SON: variants seen among roughly 807,000 people sequenced by gnomAD.
SON encodes the protein SON DNA and RNA binding protein, also known as protein SON.
A neutral mutation model predicts 173.3 loss-of-function variants in SON; 4 were observed. The ratio of observed to expected loss-of-function variants is 0.02; its 90% CI spans 0.01 to 0.05. The LOEUF is 0.05. SON is among the 10% of genes least tolerant of loss of function. The pLI is 1.00. For missense variants in SON, 2,626 were observed against 3,055.3 expected (o/e 0.86, Z 3.31); for synonymous variants, 1,190 against 1,105.9 (o/e 1.08, Z -1.51).
In SON at chr21:33,552,535, T is replaced by A. The variant is rs1207044217; in HGVS notation, c.3304T>A (p.Ser1102Thr). Residue 1102 changes from serine (S) to threonine (T), a missense_variant, in exon 3 of 12, where the codon TCT becomes ACT. Around this residue, in one of 13 missense-constraint regions of SON, gnomAD observed 366 missense variants for 448.6 expected, o/e 0.82. Transcript: ENST00000356577. The surrounding 1 kb of genome is among the most constrained non-coding windows in gnomAD (Gnocchi z 5.6). ...GTCGTCATACTCTGCTGCTGACCGGTCTATGATGTCATCGTACTCTGCAGC... is the reference window on the plus strand; with the variant it reads ...GTCGTCATACTCTGCTGCTGACCGGACTATGATGTCATCGTACTCTGCAGC... ...MMSSYSAADR[S>T]MMSSYSAADR... The A allele has an allele frequency of 1.2e-6, 2 of 1,614,098 alleles. No individual in the cohort carries two copies. Among genetic ancestry groups the A allele is most frequent in the South Asian group, 1.1e-5 (1 of 91,064 alleles).
rs187952132 is a variant in SON at position 33,549,001 on chromosome 21, A to G, written c.245-475A>G. On this transcript the variant is annotated intron_variant, in intron 2 of 11. Transcript: ENST00000356577. ...TTGTGGAAAGAATTATCAGAAAAGT[A>G]GTAGTCTCCAGGTTAACTGTTTTAT... Among the ~76,000 whole-genome samples the G allele has an allele frequency of 4.0e-4, 61 of 152,232 alleles. 2 individuals carry two copies. Among genetic ancestry groups the G allele is most frequent in the Admixed American group, 3.4e-3 (52 of 15,288 alleles).
At position 33,554,888 on chromosome 21, in the gene SON, T is replaced by C; in HGVS notation, c.5657T>C (p.Val1886Ala). The C allele has an allele frequency of 3.1e-6, 5 of 1,614,016 alleles. No homozygotes were observed. Among genetic ancestry groups the C allele is most frequent in the Non-Finnish European group, 4.2e-6 (5 of 1,180,020 alleles). Residue 1886 changes from valine (V) to alanine (A), a missense_variant, in exon 3 of 12, where the codon GTA becomes GCA. Val to Ala is a moderately conservative substitution (Grantham distance 64, BLOSUM62 0). This residue lies in a region of SON where 1,006 missense variants were observed against 895.6 expected (regional missense o/e 1.12). Coordinates refer to ENST00000356577, the MANE Select transcript of SON (RefSeq NM_138927.4). ...TCAAAGTCTAGAGGAAGAAGATCTG[T>C]ATCAAAAGAGAAGCGCAAAAGATCT... ...SRSKSRGRRS[V>A]SKEKRKRSPK...
chr21:33,553,755 T>G lies in SON; in HGVS notation c.4524T>G (p.His1508Gln). 2 of 1,614,124 alleles carry G rather than the reference T, an allele frequency of 1.2e-6. No homozygotes were observed. The highest frequency in any genetic ancestry group is 1.7e-6 in the Non-Finnish European group (2 of 1,180,024). ...PEIGMQEIAL[H>Q]SGEEPHAEEH... ...TTGGCATGCAGGAGATTGCATTGCA[T>G]TCAGGTGAAGAACCACATGCTGAGG... Residue 1508 changes from histidine (H) to glutamine (Q), a missense_variant, in exon 3 of 12, where the codon CAT becomes CAG. His to Gln is a conservative substitution (Grantham distance 24). Around this residue, in one of 13 missense-constraint regions of SON, gnomAD observed 1,006 missense variants for 895.6 expected, o/e 1.12. Coordinates refer to ENST00000356577, the MANE Select transcript of SON (RefSeq NM_138927.4).
chr21:33,552,988 C>T lies in SON; in HGVS notation c.3757C>T (p.Pro1253Ser), dbSNP rs750917780. ...TGCTGTGACTGTTCCAGAACCACCACCAGAGCCAGAATCTTCAATTACGTT... is the reference window on the plus strand; with the variant it reads ...TGCTGTGACTGTTCCAGAACCACCATCAGAGCCAGAATCTTCAATTACGTT... ...EAAVTVPEPP[P>S]EPESSITLTP... is the part of the protein sequence containing the mutation. The change falls in exon 3 of 12, where the codon CCA becomes TCA. Residue 1253 changes from proline (P) to serine (S), a missense_variant. Coordinates refer to ENST00000356577, the MANE Select transcript of SON (RefSeq NM_138927.4). The surrounding 1 kb of genome is among the most constrained non-coding windows in gnomAD (Gnocchi z 5.6). 2.7e-5 allele frequency: 43 copies of T among 1,609,466 alleles called. No homozygotes were observed. Among genetic ancestry groups the T allele is most frequent in the Non-Finnish European group, 3.5e-5 (41 of 1,175,696 alleles).
chr21:33,569,361 G>A (rs1364589847), intron 8 of SON: 4 of 383,974 alleles, frequency 1.0e-5, no homozygotes, highest in Non-Finnish European at 2.0e-5. Flanking sequence ...TATTTTGAAC[G>A]CTAATAGTGT....
rs553454497 is a variant in SON at position 33,543,930 on chromosome 21, T to C, written c.77+761T>C. Among the ~76,000 whole-genome samples the C allele has an allele frequency of 2.0e-5, 3 of 152,326 alleles. No homozygotes were observed. The South Asian group carries it at 6.2e-4, about 32-fold the overall frequency. On this transcript the variant is annotated intron_variant, in intron 1 of 11. Transcript: ENST00000356577. ...CATTGCTGGTAGACTTTACATAATT[T>C]GCGCTTGGCTTCACAAAATTTGAAG...
chr21:33,575,447 AAAGAG>A (rs2086378884), intron 9 of SON, 144 bp from the exon 10 acceptor site: 1 of 510,550 alleles, frequency 2.0e-6, no homozygotes, highest in Non-Finnish European at 3.5e-6. Flanking sequence ...AAAAGAGAAG[AAAGAG>A]AAGATTGATA....
Position 33,551,490 on chromosome 21 carries a change from C to T in SON, c.2259C>T (p.Ser753=). 1.2e-6 allele frequency: 2 copies of T among 1,614,106 alleles called. No individual in the cohort carries two copies. Among genetic ancestry groups the T allele is most frequent in the Non-Finnish European group, 1.7e-6 (2 of 1,179,996 alleles). ...SQMLASNTMD[S]QMLASSTMDS... The stretch of plus-strand genomic sequence containing the variant: ...TGCTAGCATCCAACACCATGGACTC[C>T]CAGATGTTAGCGTCTAGCACCATGG... The change falls in exon 3 of 12, where the codon TCC becomes TCT. Residue 753 remains serine (S), a synonymous_variant. Coordinates refer to ENST00000356577, the MANE Select transcript of SON (RefSeq NM_138927.4).
chr21:33,559,820 A>G lies in SON; in HGVS notation c.6657+45A>G. On this transcript the variant is annotated intron_variant, in intron 6 of 11. Transcript: ENST00000356577. This position sits in a 1 kb window ranked among gnomAD's most constrained non-coding sequence, Gnocchi z 4.1. ...TGTATTTTTCCTTTTTTATACCTGA[A>G]TCTGCCATTTCATTGTTATGTTATG... is the stretch of plus-strand genomic sequence containing the variant. The G allele has an allele frequency of 6.2e-7, 1 of 1,606,538 alleles. No homozygotes were observed. Among genetic ancestry groups the G allele is most frequent in the South Asian group, 1.1e-5 (1 of 90,502 alleles).
At chr21:33,565,311 G>T (rs2086146299) in intron 6 of SON, among the ~76,000 whole-genome samples, 1 of 152,286 alleles carries the variant, frequency 6.6e-6, no homozygotes, top group Non-Finnish European at 1.5e-5. Flanking sequence ...AGTATCCTCA[G>T]ATTTTAGCCT....
rs1569056393 is a variant in SON, at chr21:33,553,235, C to T, written c.4004C>T (p.Thr1335Ile). The change falls in exon 3 of 12, where the codon ACT becomes ATT. Residue 1335 changes from threonine (T) to isoleucine (I), a missense_variant. Physicochemically the swap from Thr to Ile is moderately conservative, Grantham distance 89. Coordinates refer to ENST00000356577, the MANE Select transcript of SON (RefSeq NM_138927.4). ...ACATCCTTGTTGGTTCCAGCAGTAA[C>T]TACTCCAGTGCTGGCAGAGAGCATT... is the stretch of plus-strand genomic sequence containing the variant. ...VSTSLLVPAV[T>I]TPVLAESILE... The T allele has an allele frequency of 6.2e-7, 1 of 1,614,184 alleles. No homozygotes were observed. The highest frequency in any genetic ancestry group is 8.5e-7 in the Non-Finnish European group (1 of 1,180,040).
At chr21:33,565,339 A>G (rs1186158087) in intron 6 of SON, among the ~76,000 whole-genome samples, 1 of 152,178 alleles carries the variant, frequency 6.6e-6, no homozygotes, top group Non-Finnish European at 1.5e-5. Flanking sequence ...ATAAAAGCCT[A>G]TTATTTATGC....
rs766227485 is a variant in SON at position 33,555,324 on chromosome 21, T to C, written c.6093T>C (p.Ser2031=). 1 of 1,604,074 alleles carries C rather than the reference T, an allele frequency of 6.2e-7. No individual in the cohort carries two copies. The highest frequency in any genetic ancestry group is 8.5e-7 in the Non-Finnish European group (1 of 1,175,444). The change falls in exon 3 of 12, where the codon TCT becomes TCC. Residue 2031 remains serine, a synonymous_variant. Transcript: ENST00000356577. The part of the protein sequence containing the change: ...RTPLRRRFSR[S]PIRRKRSRSS... The stretch of plus-strand genomic sequence containing the variant: ...CCTTAAGAAGAAGGTTTAGCAGATC[T>C]CCCATCCGTCGTAAAAGATCCAGGT...
Position 33,568,954 on chromosome 21 carries a change from C to T in SON, c.6769-17C>T. 6.7e-7 allele frequency: 1 copy of T among 1,495,688 alleles called. No homozygotes were observed. The allele number at this position is 1,495,688 out of a possible 1,614,324, so 92.7% of individuals were successfully genotyped here. A position where few individuals can be genotyped will look rare whatever the true frequency, so the allele number is the denominator to read the frequency against. On this transcript the variant is annotated splice_polypyrimidine_tract_variant and intron_variant, in intron 7 of 11. Transcript: ENST00000356577. Reference sequence around the variant, plus strand: ...GGTAATTTTACTTAGTTAACTGAGACTACTTCTTTTCTTCAGATTGATGCC... The same window carrying T: ...GGTAATTTTACTTAGTTAACTGAGATTACTTCTTTTCTTCAGATTGATGCC...
intron 9 of SON, among the ~76,000 whole-genome samples, 168 bp downstream of exon 9, chr21:33,573,623 A>G (rs1334809688): frequency 1.3e-5 from 2 of 152,222 alleles, no homozygotes; most frequent in Admixed American, 6.5e-5. Flanking sequence ...GCTTATTTTT[A>G]TATAACTATG....
intron 6 of SON, chr21:33,560,478 A>G: frequency 2.0e-6 from 2 of 1,019,184 alleles, no homozygotes; most frequent in Non-Finnish European, 2.4e-6. Flanking sequence ...TTGTATCTTA[A>G]TAATGCCAAG....
At position 33,551,456 on chromosome 21, in the gene SON, A is replaced by T; in HGVS notation, c.2225A>T (p.Asp742Val). The change falls in exon 3 of 12, where the codon GAC becomes GTC. Residue 742 changes from aspartate to valine, a missense_variant. Physicochemically the swap from Asp to Val is radical, Grantham distance 152. This residue lies in a region of SON where 182 missense variants were observed against 193.6 expected (regional missense o/e 0.94). Transcript: ENST00000356577. ...DSQMLASNTMDSQMLASNTMD... is the reference protein window; with the variant it reads ...DSQMLASNTMVSQMLASNTMD... The stretch of plus-strand genomic sequence containing the variant: ...CAAATGCTAGCGTCCAACACCATGG[A>T]CTCCCAGATGCTAGCATCCAACACC... 6.2e-7 allele frequency: 1 copy of T among 1,614,004 alleles called. No homozygotes were observed. The highest frequency in any genetic ancestry group is 8.5e-7 in the Non-Finnish European group (1 of 1,179,960).
intron 8 of SON, chr21:33,570,248 T>TC (rs2086254774): frequency 6.6e-6 from 1 of 152,214 alleles, no homozygotes; most frequent in Non-Finnish European, 1.5e-5. Flanking sequence ...CTAGTGGTAA[T>TC]CAGTAACGTG....
intron 7 of SON, 137 bp from the exon 8 acceptor site, chr21:33,568,834 G>A (rs2086225890): frequency 1.8e-6 from 1 of 556,642 alleles, no homozygotes; most frequent in East Asian, 3.0e-5. Context: ...GAAAGTTTAG[G>A]CAAACATTTA....
Sources: allele counts gnomAD v4.1 joint callset (sites outside exome capture counted in the v4.1 genomes callset), GRCh38; gene constraint gnomAD v4.1.1; regional missense constraint gnomAD v4.1.1; non-coding constraint Gnocchi (gnomAD v3.1); transcripts MANE v1.5; gene names NCBI Gene and HGNC (gene_info 2026-07-23, HGNC 2026-07-21).